CTNNA2: variants seen among roughly 807,000 people sequenced by gnomAD.
The protein encoded by CTNNA2 is catenin alpha 2.
Under a neutral mutation model 101.0 loss-of-function variants are expected in CTNNA2, and 42 were observed. The ratio of observed to expected loss-of-function variants is 0.42; its 90% CI spans 0.32 to 0.54. The LOEUF is 0.54. Ranked by LOEUF, CTNNA2 falls within the 20% of genes least tolerant of loss-of-function variation. CTNNA2 has a pLI of 0.14. For missense variants in CTNNA2, 871 were observed against 1,223.1 expected (o/e 0.71, Z 4.29); for synonymous variants, 450 against 456.4 (o/e 0.99, Z 0.18).
intron 7 of CTNNA2, among the ~76,000 whole-genome samples, chr2:80,183,454 G>C (rs1705917960): frequency 6.6e-6 from 1 of 152,168 alleles, no homozygotes; most frequent in Non-Finnish European, 1.5e-5. Context: ...AAAATGCTGT[G>C]TAAAAAGAAT....
At chr2:79,554,624 G>A (rs1157109314) in intron 1 of CTNNA2, among the ~76,000 whole-genome samples, 1 of 152,082 alleles carries the variant, frequency 6.6e-6, no homozygotes, top group Admixed American at 6.6e-5. Flanking sequence ...AGATTTTCAA[G>A]GTTCCTACAG....
chr2:79,854,636 ATTG>A (rs1391940217), intron 3 of CTNNA2, among the ~76,000 whole-genome samples: 1 of 152,188 alleles, frequency 6.6e-6, no homozygotes, highest in Non-Finnish European at 1.5e-5. Flanking sequence ...ACATGTTAAA[ATTG>A]TTATTTTCCG....
At chr2:79,834,280 T>C (rs1273100811) in intron 3 of CTNNA2, among the ~76,000 whole-genome samples, 1 of 152,064 alleles carries the variant, frequency 6.6e-6, no homozygotes, top group Non-Finnish European at 1.5e-5. Flanking sequence ...AGTTCTAGAG[T>C]ATCTAACATT....
At chr2:80,488,276 C>T (rs1573014730) in intron 9 of CTNNA2, among the ~76,000 whole-genome samples, 1 of 152,132 alleles carries the variant, frequency 6.6e-6, no homozygotes, top group South Asian at 2.1e-4. Context: ...ATAAATTTAC[C>T]AAAACTGATT....
chr2:79,832,269 T>A (rs1054484635), intron 3 of CTNNA2, among the ~76,000 whole-genome samples: 1 of 152,200 alleles, frequency 6.6e-6, no homozygotes, highest in South Asian at 2.1e-4. Flanking sequence ...AGCTATTACC[T>A]GAAACAATAC....
intron 7 of CTNNA2, among the ~76,000 whole-genome samples, chr2:79,927,180 G>C (rs1476981411): frequency 6.6e-6 from 1 of 152,174 alleles, no homozygotes; most frequent in Non-Finnish European, 1.5e-5. Flanking sequence ...TTAAGTTGCA[G>C]AGGGATAGGA....
intron 7 of CTNNA2, among the ~76,000 whole-genome samples, chr2:79,918,125 T>G (rs544475597): frequency 6.6e-6 from 1 of 152,158 alleles, no homozygotes; most frequent in Admixed American, 6.5e-5. Context: ...AATACTTCTA[T>G]CTCATTCCCC....
At chr2:79,990,680 T>C (rs1036152993) in intron 7 of CTNNA2, among the ~76,000 whole-genome samples, 1 of 152,232 alleles carries the variant, frequency 6.6e-6, no homozygotes, top group Non-Finnish European at 1.5e-5. Context: ...GGAGAAAAAG[T>C]ACATTTCTCA....
At chr2:80,505,720 TATATA>T (rs1688224372) in intron 9 of CTNNA2, among the ~76,000 whole-genome samples, 1 of 152,232 alleles carries the variant, frequency 6.6e-6, no homozygotes. Flanking sequence ...TTCCATTTTC[TATATA>T]ACATGCAATA....
At chr2:79,733,513 T>A (rs1238408127) in intron 2 of CTNNA2, among the ~76,000 whole-genome samples, 1 of 152,018 alleles carries the variant, frequency 6.6e-6, no homozygotes, top group Non-Finnish European at 1.5e-5. Context: ...CAAGTGTGTG[T>A]GAAAACTAGA....
chr2:79,387,574 T>G (rs1678118926), intron 4 of CTNNA2, among the ~76,000 whole-genome samples: 1 of 152,086 alleles, frequency 6.6e-6, no homozygotes, highest in Non-Finnish European at 1.5e-5. Flanking sequence ...AAACACCAAG[T>G]CCAAGGAAGC....
intron 17 of CTNNA2, among the ~76,000 whole-genome samples, chr2:80,610,482 C>T (rs1408934876): frequency 6.6e-6 from 1 of 151,470 alleles, no homozygotes; most frequent in Non-Finnish European, 1.5e-5. Flanking sequence ...GTTTAATGTA[C>T]AATCAAAAAA....
chr2:79,563,425 A>C (rs905759755), intron 1 of CTNNA2, among the ~76,000 whole-genome samples: 3 of 152,036 alleles, frequency 2.0e-5, no homozygotes, highest in African/African-American at 7.2e-5. Flanking sequence ...ACAATACACT[A>C]TAGTTAGTTG....
At chr2:80,647,028 T>A in intron 18 of CTNNA2, among the ~76,000 whole-genome samples, 1 of 152,006 alleles carries the variant, frequency 6.6e-6, no homozygotes, top group East Asian at 1.9e-4. Flanking sequence ...CACTGAATGC[T>A]ATGAGATCCT....
chr2:79,536,061 G>T (rs1447797431), intron 1 of CTNNA2, among the ~76,000 whole-genome samples: 1 of 152,148 alleles, frequency 6.6e-6, no homozygotes, highest in African/African-American at 2.4e-5. Context: ...ATTTTCAGAG[G>T]GGTCACAGCA....
intron 4 of CTNNA2, among the ~76,000 whole-genome samples, chr2:79,493,351 AC>A (rs1323631836): frequency 6.6e-6 from 1 of 152,110 alleles, no homozygotes; most frequent in African/African-American, 2.4e-5. Flanking sequence ...ATATTGGCCG[AC>A]TGTGCCTGTA....
chr2:80,232,341 G>GTTTTTTTTTTTTTTT (rs1286822049), intron 7 of CTNNA2, among the ~76,000 whole-genome samples: 42 of 82,026 alleles, frequency 5.1e-4, no homozygotes, highest in Non-Finnish European at 7.8e-4. Flanking sequence ...TTGTTTGTTT[G>GTTTTTTTTTTTTTTT]TTTGTTTTTT....
At position 79,530,501 on chromosome 2, in the gene CTNNA2, T is replaced by TG. The variant is rs200192505; in HGVS notation, c.-6+17294_-6+17295insG. 3.2e-3 allele frequency among the ~76,000 whole-genome samples: 489 copies of TG among 152,118 alleles called. 3 individuals carry two copies. Among genetic ancestry groups the TG allele is most frequent in the African/African-American group, 0.011 (470 of 41,500 alleles). The stretch of plus-strand genomic sequence containing the variant: ...GGCAGGTGCCTCACTGGTTGATTTT[T>TG]TTTTTCCTTAACTCCTTTTAAGTTG... On this transcript the variant is annotated intron_variant, in intron 1 of 18. Transcript: ENST00000402739.
chr2:79,300,024 C>T (rs1404017594), intron 2 of CTNNA2, among the ~76,000 whole-genome samples: 3 of 152,152 alleles, frequency 2.0e-5, no homozygotes, highest in African/African-American at 4.8e-5. Flanking sequence ...TAGTGTAATA[C>T]ATTTGTTACA....
Sources: gnomAD v4.1 joint callset for allele counts (sites outside exome capture counted in the v4.1 genomes callset) on GRCh38, gnomAD v4.1.1 for gene constraint, MANE v1.5 for transcripts, NCBI Gene and HGNC (gene_info 2026-07-23, HGNC 2026-07-21) for gene names.